Variants in TP53BP2 observed in about 807,000 individuals in gnomAD.
TP53BP2 encodes tumor protein p53 binding protein 2.
Under a neutral mutation model 126.2 loss-of-function variants are expected in TP53BP2, and 62 were observed. That is an observed-to-expected ratio of 0.49 (90% CI 0.40 to 0.61). The LOEUF (loss-of-function observed/expected upper bound fraction) is 0.61. Ranked by LOEUF, TP53BP2 falls within the 20% of genes least tolerant of loss-of-function variation. The pLI is 0.00. For missense variants in TP53BP2, 1,215 were observed against 1,402.8 expected, an observed-to-expected ratio of 0.87 and a Z score of 2.14; for synonymous variants, 485 against 502.9, an observed-to-expected ratio of 0.96 and a Z score of 0.48.
intron 1 of TP53BP2, among the ~76,000 whole-genome samples, chr1:223,822,576 G>C (rs1200028637): frequency 6.6e-6 from 1 of 151,952 alleles, no homozygotes; most frequent in Admixed American, 6.6e-5. Flanking sequence ...GGCTGAGTGG[G>C]GAAGACTGCT....
At chr1:223,840,040 C>T (rs149867664) in intron 1 of TP53BP2, among the ~76,000 whole-genome samples, 29 of 152,244 alleles carry the variant, frequency 1.9e-4, no homozygotes, top group African/African-American at 6.5e-4. Flanking sequence ...AATTTGTTTT[C>T]GAGTATATTT....
intron 1 of TP53BP2, among the ~76,000 whole-genome samples, chr1:223,826,572 C>T (rs1295145582): frequency 6.6e-6 from 1 of 152,088 alleles, no homozygotes; most frequent in Non-Finnish European, 1.5e-5. Context: ...AGGTACAGGG[C>T]TACTTTTTGG....
chr1:223,793,240 C>G, intron 14 of TP53BP2, 63 bp downstream of exon 14: 1 of 1,265,124 alleles, frequency 7.9e-7, no homozygotes, highest in Non-Finnish European at 1.0e-6. Context: ...TAATTATACT[C>G]TAGCCTGGAT....
At chr1:223,802,980 T>C (rs1662581705) in intron 7 of TP53BP2, 85 bp from the exon 8 acceptor site, 4 of 1,443,278 alleles carry the variant, frequency 2.8e-6, no homozygotes, top group Non-Finnish European at 3.8e-6. Flanking sequence ...AACTATTATA[T>C]AATTTCTAAA....
Position 223,821,208 on chromosome 1 carries a change from A to G in TP53BP2, c.175+12T>C, listed in dbSNP as rs753558232. The G allele has an allele frequency of 7.4e-6, 12 of 1,614,022 alleles. No homozygotes were observed. In the South Asian group the frequency reaches 1.2e-4, roughly 16 times the overall value. Reference sequence around the variant, plus strand: ...AGAAGAACTAAAGCACGAGGCTGTCAGCGTCTCTCACCAGAGCCACACCAC... The same window carrying G: ...AGAAGAACTAAAGCACGAGGCTGTCGGCGTCTCTCACCAGAGCCACACCAC... On this transcript the variant is annotated intron_variant, in intron 2 of 17. Transcript: ENST00000343537.
chr1:223,802,848 C>A lies in TP53BP2; in HGVS notation c.879G>T (p.Gln293His). 6 of 1,614,190 alleles carry A rather than the reference C, an allele frequency of 3.7e-6. No individual in the cohort carries two copies. Among genetic ancestry groups the A allele is most frequent in the Non-Finnish European group, 5.1e-6 (6 of 1,180,034 alleles). ...AATTACGCTTATTCAAACACTCCCTCTGTTGTTGTAGCTTGGCATTCTGCT... is the reference window on the plus strand; with the variant it reads ...AATTACGCTTATTCAAACACTCCCTATGTTGTTGTAGCTTGGCATTCTGCT... ...NQEQNAKLQQ[Q>H]RECLNKRNSE... The change falls in exon 8 of 18, where the codon CAG (glutamine) becomes CAT (histidine). Residue 293 changes from glutamine (Q) to histidine (H), a missense_variant. Gln to His is a conservative substitution (Grantham distance 24). Transcript: ENST00000343537.
chr1:223,840,788 GATAA>G (rs1190990793), intron 1 of TP53BP2, among the ~76,000 whole-genome samples: 5 of 152,212 alleles, frequency 3.3e-5, no homozygotes, highest in Non-Finnish European at 5.9e-5. Context: ...GTGTCTTCCA[GATAA>G]ATACATTCTC....
intron 3 of TP53BP2, 92 bp from the exon 4 acceptor site, chr1:223,810,605 G>T: frequency 1.2e-6 from 1 of 863,438 alleles, no homozygotes; most frequent in Non-Finnish European, 1.8e-6. Context: ...ATTACTGTTT[G>T]ATATTTTAAG....
At chr1:223,810,604 T>C in intron 3 of TP53BP2, 91 bp from the exon 4 acceptor site, 1 of 891,742 alleles carries the variant, frequency 1.1e-6, no homozygotes, top group Non-Finnish European at 1.7e-6. Flanking sequence ...CATTACTGTT[T>C]GATATTTTAA....
intron 4 of TP53BP2, among the ~76,000 whole-genome samples, chr1:223,809,515 C>T (rs192793644): frequency 4.0e-5 from 6 of 151,104 alleles, no homozygotes; most frequent in African/African-American, 1.5e-4. Flanking sequence ...TGCAGTGAGC[C>T]GAGATCACAC....
chr1:223,808,963 T>C (rs1662818769), intron 4 of TP53BP2, among the ~76,000 whole-genome samples: 1 of 152,118 alleles, frequency 6.6e-6, no homozygotes, highest in East Asian at 1.9e-4. Context: ...AGACTGACCA[T>C]ACCAAACTTT....
chr1:223,843,242 C>G lies in TP53BP2; in HGVS notation c.27+2412G>C, dbSNP rs371376247. On this transcript the variant is annotated intron_variant, in intron 1 of 17. Transcript: ENST00000343537. The stretch of plus-strand genomic sequence containing the variant: ...AGGCTGGAGTACAGTGGTGCCATCT[C>G]GGCTCACTGCAACCTCCACCTCCAG... 4.0e-5 allele frequency among the ~76,000 whole-genome samples: 6 copies of G among 151,668 alleles called. No homozygotes were observed. In the East Asian group the frequency reaches 1.2e-3, roughly 29 times the overall value.
intron 3 of TP53BP2, among the ~76,000 whole-genome samples, chr1:223,813,663 T>G (rs1662989384): frequency 6.6e-6 from 1 of 152,170 alleles, no homozygotes; most frequent in Admixed American, 6.6e-5. Context: ...ACAACCCACC[T>G]GGGCTGTAGA....
At chr1:223,840,695 T>C (rs891088026) in intron 1 of TP53BP2, among the ~76,000 whole-genome samples, 3 of 152,222 alleles carry the variant, frequency 2.0e-5, no homozygotes, top group Admixed American at 6.5e-5. Context: ...TTTTGTTTTA[T>C]TGTCTGCTGA....
intron 1 of TP53BP2, among the ~76,000 whole-genome samples, chr1:223,836,857 G>A (rs149549953): frequency 1.4e-4 from 22 of 152,170 alleles, no homozygotes; most frequent in African/African-American, 4.6e-4. Flanking sequence ...GCCCAGGTCC[G>A]TGGCTACTAA....
In TP53BP2 at chr1:223,796,275, A is replaced by G; in HGVS notation, c.2264T>C (p.Ile755Thr). 1.2e-6 allele frequency: 2 copies of G among 1,614,078 alleles called. No individual in the cohort carries two copies. The highest frequency in any genetic ancestry group is 1.7e-6 in the Non-Finnish European group (2 of 1,180,002). Reference protein sequence around the residue: ...TEPEGPNGPNIQKLLYQRTTI... With the variant: ...TEPEGPNGPNTQKLLYQRTTI... ...GGTCCTCTGATATAAAAGCTTCTGA[A>G]TATTTGGCCCATTAGGACCCTCTGG... Residue 755 changes from isoleucine to threonine, a missense_variant, in exon 13 of 18, where the codon ATT becomes ACT. Physicochemically the swap from Ile to Thr is moderately conservative, Grantham distance 89. Transcript: ENST00000343537. The surrounding 1 kb of genome is among the most constrained non-coding windows in gnomAD (Gnocchi z 4.2).
chr1:223,822,461 T>C (rs1019938636), intron 1 of TP53BP2, among the ~76,000 whole-genome samples: 2 of 151,578 alleles, frequency 1.3e-5, no homozygotes, highest in Admixed American at 6.6e-5. Context: ...AGTCCAGGAG[T>C]TTAAGACCAG....
chr1:223,796,901 A>C lies in TP53BP2; in HGVS notation c.1949-311T>G, dbSNP rs1004280079. On this transcript the variant is annotated intron_variant, in intron 12 of 17. Transcript: ENST00000343537. This position sits in a 1 kb window ranked among gnomAD's most constrained non-coding sequence, Gnocchi z 4.2. ...AAATTTAAAATAACAAAATGTGAAA[A>C]ACATTTAGATGCAATGAAAACAGAT... Among the ~76,000 whole-genome samples the C allele has an allele frequency of 6.6e-6, 1 of 152,342 alleles. No individual in the cohort carries two copies. The highest frequency in any genetic ancestry group is 2.4e-5 in the African/African-American group (1 of 41,586).
chr1:223,797,993 T>A (rs1047443516), intron 12 of TP53BP2, among the ~76,000 whole-genome samples: 4 of 152,110 alleles, frequency 2.6e-5, no homozygotes, highest in Admixed American at 6.6e-5. Flanking sequence ...CCCTCCAGAC[T>A]TGAGACCACA....
Sources: gnomAD v4.1 joint callset for allele counts (sites outside exome capture counted in the v4.1 genomes callset) on GRCh38, gnomAD v4.1.1 for gene constraint, Gnocchi (gnomAD v3.1) non-coding constraint, MANE v1.5 for transcripts, NCBI Gene and HGNC (gene_info 2026-07-23, HGNC 2026-07-21) for gene names.